ATXN1: variants seen among roughly 807,000 people sequenced by gnomAD.
ATXN1 encodes ataxin 1.
ATXN1 carries 8 observed loss-of-function variants against 56.4 expected under a neutral mutation model. The observed-to-expected ratio is 0.14, with a 90% CI of 0.08 to 0.26. ATXN1 has a LOEUF of 0.26. Among genes scored for constraint, ATXN1 ranks in the 10% least tolerant of loss-of-function variants. The pLI, the probability that ATXN1 is intolerant of heterozygous loss-of-function variation, is 1.00. For missense variants in ATXN1, 987 were observed against 1,106.5 expected (o/e 0.89, Z 1.53); for synonymous variants, 514 against 494.6 (o/e 1.04, Z -0.52).
chr6:16,432,798 A>G (rs1177602920), intron 6 of ATXN1: 1 of 151,638 alleles, frequency 6.6e-6, no homozygotes, highest in East Asian at 1.9e-4. Context: ...CTGAGTACAC[A>G]TTTTACTCAC....
intron 6 of ATXN1, among the ~76,000 whole-genome samples, chr6:16,421,937 G>A (rs1759044800): frequency 6.6e-6 from 1 of 152,196 alleles, no homozygotes; most frequent in Admixed American, 6.5e-5. Flanking sequence ...TGACCTTTAA[G>A]CCCATTTCAT....
intron 3 of ATXN1, among the ~76,000 whole-genome samples, chr6:16,607,282 G>A (rs536083382): frequency 1.3e-5 from 2 of 152,356 alleles, no homozygotes; most frequent in African/African-American, 4.8e-5. Context: ...AAGTGAAAGG[G>A]TTGGCGTAAG....
intron 6 of ATXN1, among the ~76,000 whole-genome samples, chr6:16,445,420 G>A (rs1362394719): frequency 6.6e-6 from 1 of 152,110 alleles, no homozygotes; most frequent in Non-Finnish European, 1.5e-5. Context: ...GTGGAGTAGA[G>A]AAAACGATGT....
chr6:16,506,501 C>T lies in ATXN1; in HGVS notation c.-299+16126G>A, dbSNP rs1245455059. On this transcript the variant is annotated intron_variant, in intron 5 of 7. Coordinates refer to ENST00000436367, the MANE Select transcript of ATXN1 (RefSeq NM_001128164.2). The surrounding 1 kb of genome is among the most constrained non-coding windows in gnomAD (Gnocchi z 4.1). The stretch of plus-strand genomic sequence containing the variant: ...AAGGGTAATTTTTGTTTTAATTTTT[C>T]TCCTCACTCCCTATGTAATTGGTGG... Among the ~76,000 whole-genome samples the T allele has an allele frequency of 6.6e-6, 1 of 152,138 alleles. No homozygotes were observed. Among genetic ancestry groups the T allele is most frequent in the Non-Finnish European group, 1.5e-5 (1 of 68,012 alleles).
At chr6:16,663,618 G>A (rs936741616) in intron 2 of ATXN1, among the ~76,000 whole-genome samples, 2 of 152,048 alleles carry the variant, frequency 1.3e-5, no homozygotes, top group Non-Finnish European at 2.9e-5. Flanking sequence ...TGCTCATCAC[G>A]CAGCAGCCAG....
intron 7 of ATXN1, among the ~76,000 whole-genome samples, chr6:16,307,512 TA>T (rs542289170): frequency 5.5e-4 from 78 of 143,068 alleles, no homozygotes; most frequent in African/African-American, 5.8e-4. Flanking sequence ...CCACTAAAAA[TA>T]AAAAAAAAAA....
intron 2 of ATXN1, among the ~76,000 whole-genome samples, chr6:16,707,727 C>G (rs1759436306): frequency 6.6e-6 from 1 of 151,902 alleles, no homozygotes; most frequent in South Asian, 2.1e-4. Flanking sequence ...GAGAAGAGGT[C>G]CAATGGTTAT....
intron 3 of ATXN1, among the ~76,000 whole-genome samples, chr6:16,609,004 G>A (rs935803903): frequency 2.0e-5 from 3 of 152,018 alleles, no homozygotes; most frequent in African/African-American, 7.3e-5. Flanking sequence ...GTCTACACCA[G>A]TGCTGAAAAA....
At chr6:16,705,853 A>G (rs930740577) in intron 2 of ATXN1, among the ~76,000 whole-genome samples, 1 of 152,156 alleles carries the variant, frequency 6.6e-6, no homozygotes, top group African/African-American at 2.4e-5. Context: ...GTCCCTTATC[A>G]TGCCAAATGC....
At chr6:16,494,786 T>C (rs1353568200) in intron 5 of ATXN1, among the ~76,000 whole-genome samples, 2 of 152,236 alleles carry the variant, frequency 1.3e-5, no homozygotes, top group Non-Finnish European at 2.9e-5. Context: ...ATTAGTATTT[T>C]AAAGACAAGA....
At chr6:16,393,964 C>T (rs909282048) in intron 6 of ATXN1, among the ~76,000 whole-genome samples, 13 of 151,062 alleles carry the variant, frequency 8.6e-5, no homozygotes, top group Non-Finnish European at 1.8e-4. Flanking sequence ...ATGCTTGGTC[C>T]AAATATCATG....
intron 4 of ATXN1, among the ~76,000 whole-genome samples, chr6:16,544,203 G>T (rs1761769630): frequency 6.6e-6 from 1 of 152,238 alleles, no homozygotes; most frequent in South Asian, 2.1e-4. Flanking sequence ...GGGACTGAGT[G>T]TGTGACGAAG....
intron 6 of ATXN1, among the ~76,000 whole-genome samples, chr6:16,366,496 C>T (rs975008505): frequency 6.6e-6 from 1 of 152,034 alleles, no homozygotes; most frequent in East Asian, 1.9e-4. Context: ...ATAAAATAGG[C>T]CAGGCTGGGC....
intron 2 of ATXN1, among the ~76,000 whole-genome samples, chr6:16,717,347 C>G (rs896099103): frequency 1.3e-5 from 2 of 152,156 alleles, no homozygotes; most frequent in Non-Finnish European, 2.9e-5. Flanking sequence ...GAAAAGCCAC[C>G]CTTCTCCTGA....
intron 6 of ATXN1, among the ~76,000 whole-genome samples, chr6:16,403,440 T>G (rs766335690): frequency 6.6e-6 from 1 of 152,182 alleles, no homozygotes; most frequent in Non-Finnish European, 1.5e-5. Flanking sequence ...AGCCTTGACC[T>G]TCTGGGTTCA....
intron 5 of ATXN1, among the ~76,000 whole-genome samples, chr6:16,513,280 A>G (rs1271932224): frequency 6.6e-6 from 1 of 152,246 alleles, no homozygotes; most frequent in Non-Finnish European, 1.5e-5. Context: ...AAGCCCCAAG[A>G]TTCTTTGGTT....
At chr6:16,680,835 T>C (rs1199569020) in intron 2 of ATXN1, among the ~76,000 whole-genome samples, 2 of 152,060 alleles carry the variant, frequency 1.3e-5, no homozygotes, top group South Asian at 2.1e-4. Context: ...GCTGTGGGCA[T>C]AAAGAAAAAA....
intron 3 of ATXN1, among the ~76,000 whole-genome samples, chr6:16,601,673 AC>A (rs1762914247): frequency 6.6e-6 from 1 of 151,970 alleles, no homozygotes; most frequent in Non-Finnish European, 1.5e-5. Context: ...ACACGGTGAA[AC>A]CCCATCTCTA....
chr6:16,612,965 G>A (rs1242438138), intron 3 of ATXN1, among the ~76,000 whole-genome samples: 1 of 151,392 alleles, frequency 6.6e-6, no homozygotes, highest in African/African-American at 2.4e-5. Flanking sequence ...CTATCCAAAT[G>A]TGAGATAAAA....
Sources: allele counts gnomAD v4.1 joint callset (sites outside exome capture counted in the v4.1 genomes callset), GRCh38; gene constraint gnomAD v4.1.1; non-coding constraint Gnocchi (gnomAD v3.1); transcripts MANE v1.5; gene names NCBI Gene and HGNC (gene_info 2026-07-23, HGNC 2026-07-21).